The following IFNGR2 variants were observed in gnomAD, a reference collection of about 807,000 sequenced individuals.
IFNGR2 encodes the protein IFN-gamma receptor 2.
Under a neutral mutation model 41.1 loss-of-function variants are expected in IFNGR2, and 15 were observed. That is an observed-to-expected ratio of 0.37 (90% CI 0.24 to 0.56). IFNGR2 has a LOEUF of 0.56. Ranked by LOEUF, IFNGR2 falls within the 20% of genes least tolerant of loss-of-function variation. IFNGR2 has a pLI of 0.81. For synonymous variants in IFNGR2, 161 were observed against 171.6 expected (o/e 0.94, Z 0.48); for missense variants, 362 against 415.7 (o/e 0.87, Z 1.12).
At chr21:33,410,047 C>T (rs1303883789) in intron 1 of IFNGR2, among the ~76,000 whole-genome samples, 2 of 152,016 alleles carry the variant, frequency 1.3e-5, no homozygotes, top group Non-Finnish European at 2.9e-5. Context: ...CAGTAAGTTC[C>T]TTGCCTTCGG....
intron 4 of IFNGR2, among the ~76,000 whole-genome samples, chr21:33,428,767 G>A (rs555284605): frequency 3.9e-5 from 6 of 152,324 alleles, no homozygotes; most frequent in Admixed American, 1.3e-4. Flanking sequence ...CTCTGGCCAC[G>A]CTTTTCTCCA....
At chr21:33,405,766 C>A (rs548499630) in intron 1 of IFNGR2, among the ~76,000 whole-genome samples, 76 of 152,270 alleles carry the variant, frequency 5.0e-4, no homozygotes, top group African/African-American at 1.8e-3. Flanking sequence ...CTCGGTGGCT[C>A]ACACCTGTAA....
chr21:33,404,747 C>T (rs1053976921), intron 1 of IFNGR2, among the ~76,000 whole-genome samples: 1 of 152,122 alleles, frequency 6.6e-6, no homozygotes, highest in Non-Finnish European at 1.5e-5. Flanking sequence ...CTTTTAAAAC[C>T]GGTTCTGTCC....
chr21:33,432,457 G>T (rs1421503777), intron 5 of IFNGR2, 121 bp downstream of exon 5: 3 of 1,006,386 alleles, frequency 3.0e-6, no homozygotes, highest in Non-Finnish European at 4.7e-6. Context: ...TGAGAAGAGT[G>T]CTGAACTGCA....
chr21:33,413,826 C>CTTTTTTTTT (rs3057381), intron 1 of IFNGR2, among the ~76,000 whole-genome samples: 7 of 61,730 alleles, frequency 1.1e-4, no homozygotes, highest in Non-Finnish European at 1.4e-4. Context: ...GCCCCCTAAC[C>CTTTTTTTTT]TTTTTTTTTT....
intron 2 of IFNGR2, among the ~76,000 whole-genome samples, chr21:33,420,414 G>A (rs779532637): frequency 9.9e-5 from 15 of 152,280 alleles, no homozygotes; most frequent in South Asian, 8.3e-4. Context: ...AGAGTCCCAC[G>A]TGGGAGTGTG....
intron 1 of IFNGR2, among the ~76,000 whole-genome samples, chr21:33,413,104 T>G (rs1332139921): frequency 6.6e-6 from 1 of 152,192 alleles, no homozygotes. Context: ...GCTATTCAGA[T>G]CTGTCTGTGT....
chr21:33,436,747 TA>T, intron 6 of IFNGR2, 80 bp from the exon 7 acceptor site: 1 of 1,136,748 alleles, frequency 8.8e-7, no homozygotes, highest in Non-Finnish European at 1.3e-6. Flanking sequence ...AAAAATAAAA[TA>T]AAAACAAAAA....
chr21:33,434,603 A>T (rs1414516483), intron 6 of IFNGR2, among the ~76,000 whole-genome samples: 1 of 152,206 alleles, frequency 6.6e-6, no homozygotes, highest in Non-Finnish European at 1.5e-5. Context: ...AGGTGTTGGA[A>T]GCAGAATGTT....
At chr21:33,408,474 G>A (rs987985616) in intron 1 of IFNGR2, among the ~76,000 whole-genome samples, 1 of 152,162 alleles carries the variant, frequency 6.6e-6, no homozygotes, top group Non-Finnish European at 1.5e-5. Flanking sequence ...GGGATTACAG[G>A]CATGAGCCAC....
intron 1 of IFNGR2, among the ~76,000 whole-genome samples, chr21:33,407,850 C>CCG (rs1555878977): frequency 7.0e-6 from 1 of 143,462 alleles, no homozygotes; most frequent in African/African-American, 2.6e-5. Flanking sequence ...CACCGCACCC[C>CCG]CCCCCGCCAA....
At chr21:33,404,229 A>C (rs1208340346) in intron 1 of IFNGR2, among the ~76,000 whole-genome samples, 5 of 152,224 alleles carry the variant, frequency 3.3e-5, no homozygotes, top group Admixed American at 3.3e-4. Flanking sequence ...TTGTAGTAGC[A>C]GCGGTGGAGC....
intron 4 of IFNGR2, 96 bp from the exon 5 acceptor site, chr21:33,432,081 T>C: frequency 8.9e-7 from 1 of 1,117,814 alleles, no homozygotes; most frequent in Non-Finnish European, 1.4e-6. Flanking sequence ...CTTCTTTGGT[T>C]GTCGTGTTCA....
At chr21:33,424,885 CATGG>C (rs2083822999) in intron 3 of IFNGR2, among the ~76,000 whole-genome samples, 1 of 48,514 alleles carries the variant, frequency 2.1e-5, no homozygotes, top group African/African-American at 4.9e-5. Flanking sequence ...GGATTACTGG[CATGG>C]GCCACCACAC....
At chr21:33,426,777 CTA>C (rs146481328) in intron 3 of IFNGR2, 105 bp from the exon 4 acceptor site, 16,950 of 484,470 alleles carry the variant, frequency 0.035, no homozygotes, top group East Asian at 0.045. Context: ...TCTACACCCA[CTA>C]TATATATATA....
chr21:33,416,899 G>A lies in IFNGR2; in HGVS notation c.206+1879G>A, dbSNP rs189850473. On this transcript the variant is annotated intron_variant, in intron 2 of 6. Transcript: ENST00000290219. ...GATTTGTTAGAGGAGTAGGTTTCCAGGTAACTTGTTTTTCTTTTTCTTTTT... is the reference window on the plus strand; with the variant it reads ...GATTTGTTAGAGGAGTAGGTTTCCAAGTAACTTGTTTTTCTTTTTCTTTTT... 2.0e-3 allele frequency among the ~76,000 whole-genome samples: 304 copies of A among 149,892 alleles called. 1 individual carries two copies. The highest frequency in any genetic ancestry group is 4.0e-3 in the Non-Finnish European group (270 of 67,510).
At chr21:33,434,197 G>C (rs1278842409) in intron 6 of IFNGR2, among the ~76,000 whole-genome samples, 2 of 152,150 alleles carry the variant, frequency 1.3e-5, no homozygotes, top group African/African-American at 4.8e-5. Flanking sequence ...ACATTTTGGG[G>C]ATCAGAGGCG....
At chr21:33,432,601 T>C (rs1465088486) in intron 5 of IFNGR2, 113 bp from the exon 6 acceptor site, 3 of 1,201,228 alleles carry the variant, frequency 2.5e-6, no homozygotes, top group African/African-American at 1.5e-5. Context: ...TAGAGGGACT[T>C]GCCCATTTTA....
chr21:33,421,538 A>G lies in IFNGR2; in HGVS notation c.265A>G (p.Ile89Val), dbSNP rs2083792174. ...IMSIGVNCTQ[I>V]TATECDFTAA... ...GTCCATAGGGGTGAATTGTACACAG[A>G]TCACAGCAACAGAGTGTGACTTCAC... The change falls in exon 3 of 7, where the codon ATC becomes GTC. Residue 89 changes from isoleucine to valine, a missense_variant. Transcript: ENST00000290219. 8 of 1,613,950 alleles carry G rather than the reference A, an allele frequency of 5.0e-6. No homozygotes were observed. The highest frequency in any genetic ancestry group is 6.8e-6 in the Non-Finnish European group (8 of 1,179,966).
Sources: allele counts gnomAD v4.1 joint callset (sites outside exome capture counted in the v4.1 genomes callset), GRCh38; gene constraint gnomAD v4.1.1; transcripts MANE v1.5; gene names NCBI Gene and HGNC (gene_info 2026-07-23, HGNC 2026-07-21).